TEX22: variants seen among roughly 807,000 people sequenced by gnomAD.
TEX22 encodes the protein testis-expressed protein 22.
A neutral mutation model predicts 11.3 loss-of-function variants in TEX22; 16 were observed. The ratio of observed to expected loss-of-function variants is 1.42; its 90% CI spans 0.96 to 2.15. The LOEUF (loss-of-function observed/expected upper bound fraction) is 2.15. Among genes scored for constraint, TEX22 ranks in the 30% most tolerant of loss-of-function variants. The pLI is 0.00. For synonymous variants in TEX22, 97 were observed against 92.3 expected, an observed-to-expected ratio of 1.05 and a Z score of -0.29; for missense variants, 220 against 208.6, an observed-to-expected ratio of 1.05 and a Z score of -0.34.
chr14:105,408,293 G>A (rs1324011656), intron 2 of TEX22, among the ~76,000 whole-genome samples: 2 of 150,794 alleles, frequency 1.3e-5, no homozygotes, highest in African/African-American at 4.9e-5. Flanking sequence ...CCAGGCTGGA[G>A]TGCAGTGGCG....
In TEX22 at chr14:105,411,735, T is replaced by G; in HGVS notation, c.355T>G (p.Ser119Ala). 2 of 1,520,450 alleles carry G rather than the reference T, an allele frequency of 1.3e-6. No homozygotes were observed. The highest frequency in any genetic ancestry group is 1.8e-6 in the Non-Finnish European group (2 of 1,138,844). The allele number at this position is 1,520,450 out of a possible 1,614,324, so 94.2% of individuals were successfully genotyped here. ...CGTGCTCCTTCCCCACCCGCTGAGG[T>G]CCACCGAGTCCACCAACGCCTTCCA... ...KDVLLPHPLR[S>A]TESTNAFQAF... is the part of the protein sequence containing the mutation. The change falls in exon 4 of 4, where the codon TCC (serine) becomes GCC (alanine). Residue 119 changes from serine to alanine, a missense_variant. By Grantham distance (99) the Ser-to-Ala change is moderately conservative. Coordinates refer to ENST00000451127, the MANE Select transcript of TEX22 (RefSeq NM_001195082.2).
At chr14:105,407,792 A>C (rs2081665853) in intron 2 of TEX22, among the ~76,000 whole-genome samples, 1 of 150,348 alleles carries the variant, frequency 6.7e-6, no homozygotes, top group African/African-American at 2.5e-5. Flanking sequence ...TTTTGCTATT[A>C]ATTTCTAATT....
intron 2 of TEX22, among the ~76,000 whole-genome samples, chr14:105,404,234 GCTC>G (rs1473532550): frequency 1.3e-5 from 2 of 152,206 alleles, no homozygotes; most frequent in Non-Finnish European, 2.9e-5. Context: ...AGGAGGCTCA[GCTC>G]CTTACCACGT....
chr14:105,411,947 T>G lies in TEX22; in HGVS notation c.*114T>G. ...CCAGGGGGTCACCACCCACCCATGTTAGGAAAACAGGCCAGGCAGGACCTG... is the reference window on the plus strand; with the variant it reads ...CCAGGGGGTCACCACCCACCCATGTGAGGAAAACAGGCCAGGCAGGACCTG... On this transcript the variant is annotated 3_prime_UTR_variant, in exon 4 of 4. Coordinates refer to ENST00000451127, the MANE Select transcript of TEX22 (RefSeq NM_001195082.2). 1 of 1,111,284 alleles carries G rather than the reference T, an allele frequency of 9.0e-7. No homozygotes were observed. Among genetic ancestry groups the G allele is most frequent in the Non-Finnish European group, 1.2e-6 (1 of 825,820 alleles). 68.8% of individuals were successfully genotyped at this position (1,111,284 alleles called of 1,614,324 possible). A position where few individuals can be genotyped will look rare whatever the true frequency, so the allele number is the denominator to read the frequency against.
intron 2 of TEX22, among the ~76,000 whole-genome samples, chr14:105,407,404 T>C (rs1293754250): frequency 2.6e-5 from 4 of 151,986 alleles, no homozygotes; most frequent in Non-Finnish European, 2.9e-5. Flanking sequence ...GATCTCACTT[T>C]GTTGTCTAGG....
rs1555417941 is a variant in TEX22, at chr14:105,398,602, C to T, written c.-73C>T. Reference sequence around the variant, plus strand: ...GGCCCCCTCAAGCCGCGGTGTACTCCAGCGGCCCCCTGTGGCCTCTCCATC... The same window carrying T: ...GGCCCCCTCAAGCCGCGGTGTACTCTAGCGGCCCCCTGTGGCCTCTCCATC... On this transcript the variant is annotated 5_prime_UTR_variant, in exon 1 of 4. Transcript: ENST00000451127. 2.0e-5 allele frequency: 3 copies of T among 152,340 alleles called. No homozygotes were observed. The highest frequency in any genetic ancestry group is 7.2e-5 in the African/African-American group (3 of 41,470). The allele number at this position is 152,340 out of a possible 1,614,324, so 9.4% of individuals were successfully genotyped here.
chr14:105,399,255 G>A, intron 1 of TEX22, 47 bp from the exon 2 acceptor site: 1 of 1,179,172 alleles, frequency 8.5e-7, no homozygotes, highest in Admixed American at 2.3e-5. Context: ...TGGGCACGTG[G>A]GTGGCCTTGT....
At position 105,399,842 on chromosome 14, in the gene TEX22, A is replaced by AG. The variant is rs200051117; in HGVS notation, c.150+359dup. 7.7e-3 allele frequency among the ~76,000 whole-genome samples: 1,123 copies of AG among 146,640 alleles called. 19 individuals carry two copies. The highest frequency in any genetic ancestry group is 0.026 in the African/African-American group (1,056 of 40,626). ...AAGCGGGAGGGAAAGCAAGGTCCCC[A>AG]GGGGGGGTGGTGTCCTCCCAACCAG... On this transcript the variant is annotated intron_variant, in intron 2 of 3. Coordinates refer to ENST00000451127, the MANE Select transcript of TEX22 (RefSeq NM_001195082.2).
chr14:105,404,400 A>G (rs1432322382), intron 2 of TEX22, among the ~76,000 whole-genome samples: 1 of 152,200 alleles, frequency 6.6e-6, no homozygotes, highest in African/African-American at 2.4e-5. Context: ...TCCGTTTTGG[A>G]TACACTGGTC....
rs183293871 is a variant in TEX22 at position 105,401,406 on chromosome 14, A to G, written c.150+1916A>G. On this transcript the variant is annotated intron_variant, in intron 2 of 3. Coordinates refer to ENST00000451127, the MANE Select transcript of TEX22 (RefSeq NM_001195082.2). ...AGAACAAAAGAAGTCGCAGCCATAA[A>G]AAAGGATGAGTTCATGTCCTTTGTA... Among the ~76,000 whole-genome samples, 825 of 152,240 alleles carry G rather than the reference A, an allele frequency of 5.4e-3. 12 individuals are homozygous for G. The highest frequency in any genetic ancestry group is 0.018 in the African/African-American group (755 of 41,536).
chr14:105,402,338 AAGAG>A, intron 2 of TEX22, among the ~76,000 whole-genome samples: 1 of 152,330 alleles, frequency 6.6e-6, no homozygotes, highest in South Asian at 2.1e-4. Context: ...GTACAGATAA[AAGAG>A]GGAGTTTGGA....
At chr14:105,407,702 T>A (rs2081665487) in intron 2 of TEX22, among the ~76,000 whole-genome samples, 1 of 152,072 alleles carries the variant, frequency 6.6e-6, no homozygotes, top group Non-Finnish European at 1.5e-5. Context: ...GGTATTTCAG[T>A]CTTTATTTTC....
intron 2 of TEX22, among the ~76,000 whole-genome samples, chr14:105,404,774 C>T (rs1032773334): frequency 1.2e-4 from 19 of 152,146 alleles, no homozygotes; most frequent in African/African-American, 3.9e-4. Flanking sequence ...GCCCCCAGCA[C>T]ACTCTCACCT....
At chr14:105,398,812 G>A (rs1305647134) in intron 1 of TEX22, among the ~76,000 whole-genome samples, 177 bp downstream of exon 1, 2 of 152,196 alleles carry the variant, frequency 1.3e-5, no homozygotes, top group Non-Finnish European at 2.9e-5. Flanking sequence ...CTCCCCACCG[G>A]AGAGGGCGGG....
intron 2 of TEX22, among the ~76,000 whole-genome samples, chr14:105,409,129 C>T (rs985701463): frequency 1.3e-5 from 2 of 152,022 alleles, no homozygotes; most frequent in African/African-American, 2.4e-5. Flanking sequence ...CTGCCAGCAA[C>T]CAGCCCAGCT....
intron 1 of TEX22, 133 bp downstream of exon 1, chr14:105,398,768 G>A: frequency 6.6e-6 from 1 of 152,102 alleles, no homozygotes; most frequent in Non-Finnish European, 1.5e-5. Flanking sequence ...TTCTTCCCCC[G>A]TCCCTCCGCG....
intron 1 of TEX22, 55 bp from the exon 2 acceptor site, chr14:105,399,247 G>T: frequency 9.3e-7 from 1 of 1,073,322 alleles, no homozygotes; most frequent in Non-Finnish European, 1.3e-6. Flanking sequence ...GGTATTGGTG[G>T]GCACGTGGGT....
At position 105,399,298 on chromosome 14, in the gene TEX22, C is replaced by T; in HGVS notation, c.-39-4C>T. On this transcript the variant is annotated splice_polypyrimidine_tract_variant and splice_region_variant and intron_variant, in intron 1 of 3. Transcript: ENST00000451127. The stretch of plus-strand genomic sequence containing the variant: ...GCCCCACCTCCCCCTGCTCCTACCC[C>T]CAGATCTCAGAGGTGTGGACAAGCA... 1.3e-6 allele frequency: 2 copies of T among 1,506,898 alleles called. No individual in the cohort carries two copies. Among genetic ancestry groups the T allele is most frequent in the Non-Finnish European group, 1.8e-6 (2 of 1,129,266 alleles). The allele number at this position is 1,506,898 out of a possible 1,614,324, so 93.3% of individuals were successfully genotyped here.
intron 1 of TEX22, among the ~76,000 whole-genome samples, chr14:105,398,842 G>GGGCCTGGGGCGA (rs1555418002): frequency 2.0e-5 from 3 of 152,258 alleles, no homozygotes; most frequent in Non-Finnish European, 4.4e-5. Flanking sequence ...GCTCCGGGCT[G>GGGCCTGGGGCGA]GGCCTGGGGC....
Sources: gnomAD v4.1 joint callset for allele counts (sites outside exome capture counted in the v4.1 genomes callset) on GRCh38, gnomAD v4.1.1 for gene constraint, MANE v1.5 for transcripts, NCBI Gene and HGNC (gene_info 2026-07-23, HGNC 2026-07-21) for gene names.